Variants in DLGAP4 observed in about 807,000 individuals in gnomAD.
DLGAP4 encodes the protein disks large-associated protein 4.
DLGAP4 carries 18 observed loss-of-function variants against 86.9 expected under a neutral mutation model. That is an observed-to-expected ratio of 0.21 (90% CI 0.14 to 0.31). The LOEUF is 0.31. Ranked by LOEUF, DLGAP4 falls within the 10% of genes least tolerant of loss-of-function variation. DLGAP4 has a pLI of 1.00. For missense variants in DLGAP4, 1,085 were observed against 1,362.6 expected (o/e 0.80, Z 3.21); for synonymous variants, 548 against 574.3 (o/e 0.95, Z 0.65).
chr20:36,432,326 C>T lies in DLGAP4; in HGVS notation c.609C>T (p.Gly203=), dbSNP rs150815916. ...GGCGCAGCCGCTCCAACATCTCAGG[C>T]TGGTGGAGCTCCGATGACAACTTGG... is the stretch of plus-strand genomic sequence containing the variant. ...PKRRSRSNIS[G]WWSSDDNLDG... The change falls in exon 3 of 13, where the codon GGC becomes GGT. Residue 203 remains glycine, a synonymous_variant. Transcript: ENST00000339266. This position sits in a 1 kb window ranked among gnomAD's most constrained non-coding sequence, Gnocchi z 6.5. The T allele has an allele frequency of 2.8e-4, 457 of 1,613,672 alleles. No individual in the cohort carries two copies. The highest frequency in any genetic ancestry group is 3.7e-4 in the Non-Finnish European group (433 of 1,179,912).
intron 7 of DLGAP4, among the ~76,000 whole-genome samples, chr20:36,489,404 G>C (rs746595197): frequency 3.3e-5 from 5 of 152,196 alleles, no homozygotes; most frequent in Non-Finnish European, 7.3e-5. Context: ...CAGGCTCCAA[G>C]GACAGAGCTA....
chr20:36,354,220 C>T (rs1309509082), intron 1 of DLGAP4, among the ~76,000 whole-genome samples: 1 of 152,088 alleles, frequency 6.6e-6, no homozygotes, highest in Admixed American at 6.6e-5. Flanking sequence ...TCTCCTGGAC[C>T]GCATTCCCAA....
chr20:36,369,004 C>T (rs2030809200), intron 2 of DLGAP4, among the ~76,000 whole-genome samples: 1 of 152,194 alleles, frequency 6.6e-6, no homozygotes, highest in South Asian at 2.1e-4. Flanking sequence ...CAGACAGCCC[C>T]TGGCGTGTGT....
At chr20:36,508,053 G>A (rs1466301281) in intron 10 of DLGAP4, 1 of 152,182 alleles carries the variant, frequency 6.6e-6, no homozygotes, top group African/African-American at 2.4e-5. Context: ...TTCTGACCTA[G>A]CCCTGGAAGT....
rs553003102 is a variant in DLGAP4 at position 36,505,517 on chromosome 20, G to A, written c.2512+4906G>A. 7.3e-5 allele frequency among the ~76,000 whole-genome samples: 11 copies of A among 151,706 alleles called. No individual in the cohort carries two copies. In the East Asian group the frequency reaches 2.2e-3, roughly 30 times the overall value. On this transcript the variant is annotated intron_variant, in intron 10 of 12. Transcript: ENST00000339266. ...AGGCTGGGTGTGGTGGCTCATGCCT[G>A]TAATCCCAGCACTTTTCGAGGCCAA...
chr20:36,417,036 C>T (rs758038462), intron 2 of DLGAP4, among the ~76,000 whole-genome samples: 6 of 152,066 alleles, frequency 3.9e-5, no homozygotes, highest in Non-Finnish European at 8.8e-5. Context: ...GCTCACAGAG[C>T]GCGGGAGGCA....
intron 10 of DLGAP4, among the ~76,000 whole-genome samples, chr20:36,503,479 C>CTTTTTT (rs982287997): frequency 5.5e-5 from 6 of 109,906 alleles, no homozygotes; most frequent in African/African-American, 2.4e-4. Flanking sequence ...CATATATGGC[C>CTTTTTT]TTTTTTTTTT....
At chr20:36,469,223 G>A (rs1200857123) in intron 7 of DLGAP4, among the ~76,000 whole-genome samples, 1 of 152,054 alleles carries the variant, frequency 6.6e-6, no homozygotes, top group Admixed American at 6.5e-5. Flanking sequence ...CTGACAGACA[G>A]AGCTGCCTTA....
intron 10 of DLGAP4, among the ~76,000 whole-genome samples, chr20:36,508,470 A>C (rs558117246): frequency 8.5e-6 from 1 of 117,834 alleles, no homozygotes. Context: ...CTCGTTACCT[A>C]GTCTGGAGTG....
intron 2 of DLGAP4, among the ~76,000 whole-genome samples, chr20:36,367,517 G>A (rs2030733564): frequency 6.6e-6 from 1 of 152,210 alleles, no homozygotes; most frequent in East Asian, 1.9e-4. Flanking sequence ...TCAGAGAGGG[G>A]AAGCCACCTG....
intron 7 of DLGAP4, chr20:36,461,352 C>G: frequency 1.5e-6 from 1 of 669,376 alleles, no homozygotes; most frequent in Non-Finnish European, 1.8e-6. Context: ...GCCAAGCGGG[C>G]TGCGCGCGCC....
intron 7 of DLGAP4, among the ~76,000 whole-genome samples, chr20:36,449,344 T>C (rs1347338484): frequency 6.6e-6 from 1 of 152,244 alleles, no homozygotes; most frequent in Non-Finnish European, 1.5e-5. Context: ...TCCCTCTTGG[T>C]GACCACTTAA....
At chr20:36,467,903 A>G (rs530478468) in intron 7 of DLGAP4, among the ~76,000 whole-genome samples, 20 of 152,368 alleles carry the variant, frequency 1.3e-4, no homozygotes, top group Admixed American at 3.3e-4. Context: ...TGTTTTGCAG[A>G]TAAGGAAAAG....
chr20:36,312,113 C>T (rs986475259), intron 1 of DLGAP4, among the ~76,000 whole-genome samples: 7 of 152,158 alleles, frequency 4.6e-5, no homozygotes, highest in Admixed American at 2.0e-4. Flanking sequence ...GTGAGGTTCA[C>T]GGGTACCAAG....
At position 36,455,920 on chromosome 20, in the gene DLGAP4, A is replaced by T. The variant is rs192953065; in HGVS notation, c.1648+8983A>T. ...TCCACCGCAGGCTCTTGTCAGCCCA[A>T]CGCCTCTAGTCTCCACAGTGTCAGG... On this transcript the variant is annotated intron_variant, in intron 7 of 12. Transcript: ENST00000339266. Among the ~76,000 whole-genome samples, 114 of 152,250 alleles carry T rather than the reference A, an allele frequency of 7.5e-4. 1 individual carries two copies. The South Asian group carries it at 0.016, about 22-fold the overall frequency.
At chr20:36,505,465 T>C (rs1484329025) in intron 10 of DLGAP4, among the ~76,000 whole-genome samples, 1 of 152,144 alleles carries the variant, frequency 6.6e-6, no homozygotes, top group Non-Finnish European at 1.5e-5. Flanking sequence ...AGGCTTTCTA[T>C]GGACCCCTTC....
At chr20:36,321,718 G>T (rs2065170492) in intron 1 of DLGAP4, among the ~76,000 whole-genome samples, 2 of 152,202 alleles carry the variant, frequency 1.3e-5, no homozygotes, top group Non-Finnish European at 2.9e-5. Flanking sequence ...TGGGGAGGGA[G>T]CGAGGAGGGG....
At chr20:36,404,988 G>A (rs770936123) in intron 2 of DLGAP4, among the ~76,000 whole-genome samples, 2 of 152,152 alleles carry the variant, frequency 1.3e-5, no homozygotes, top group Non-Finnish European at 2.9e-5. Flanking sequence ...GTGTGCGCTG[G>A]GCCTTGCTGC....
intron 7 of DLGAP4, among the ~76,000 whole-genome samples, chr20:36,480,801 T>C (rs1389874144): frequency 6.6e-6 from 1 of 151,760 alleles, no homozygotes; most frequent in East Asian, 1.9e-4. Flanking sequence ...AGCCCAGGAG[T>C]TCTAGTACAG....
Sources: gnomAD v4.1 joint callset for allele counts (sites outside exome capture counted in the v4.1 genomes callset) on GRCh38, gnomAD v4.1.1 for gene constraint, Gnocchi (gnomAD v3.1) non-coding constraint, MANE v1.5 for transcripts, NCBI Gene and HGNC (gene_info 2026-07-23, HGNC 2026-07-21) for gene names.